RBFOX1: variants seen among roughly 807,000 people sequenced by gnomAD.
RBFOX1 encodes the protein RNA binding protein fox-1 homolog 1.
A neutral mutation model predicts 57.7 loss-of-function variants in RBFOX1; 8 were observed. The observed-to-expected ratio is 0.14, with a 90% CI of 0.08 to 0.25. The LOEUF (loss-of-function observed/expected upper bound fraction) is 0.25. RBFOX1 is among the 10% of genes least tolerant of loss of function. The pLI is 1.00. For synonymous variants in RBFOX1, 326 were observed against 222.4 expected (o/e 1.47, Z -4.15); for missense variants, 611 against 548.5 (o/e 1.11, Z -1.14).
chr16:7,636,433 T>C (rs1340396971), intron 11 of RBFOX1, among the ~76,000 whole-genome samples: 1 of 152,254 alleles, frequency 6.6e-6, no homozygotes, highest in African/African-American at 2.4e-5. Context: ...TTATTATCAG[T>C]TCACACGTGA....
chr16:7,592,222 A>G (rs1206036931), intron 7 of RBFOX1, among the ~76,000 whole-genome samples: 1 of 152,154 alleles, frequency 6.6e-6, no homozygotes, highest in African/African-American at 2.4e-5. Context: ...CAGAAAAACA[A>G]TGAGAATAAT....
chr16:7,646,440 C>T (rs2063754612), intron 11 of RBFOX1, among the ~76,000 whole-genome samples: 1 of 152,210 alleles, frequency 6.6e-6, no homozygotes, highest in Admixed American at 6.5e-5. Context: ...CCATAAATTA[C>T]CCACAGAACA....
Position 5,960,950 on chromosome 16 carries a change from C to T in RBFOX1, c.351+93615C>T, listed in dbSNP as rs150488895. On this transcript the variant is annotated intron_variant, in intron 4 of 19. Coordinates refer to the RBFOX1 transcript ENST00000641259. Reference sequence around the variant, plus strand: ...CCGCAATTGTGGTCAAAGGCTCCCTCCCAAGATGGCCAGAAGACAGCAGGG... The same window carrying T: ...CCGCAATTGTGGTCAAAGGCTCCCTTCCAAGATGGCCAGAAGACAGCAGGG... Among the ~76,000 whole-genome samples the T allele has an allele frequency of 4.6e-5, 7 of 152,256 alleles. No individual in the cohort carries two copies. In the East Asian group the frequency reaches 1.2e-3, roughly 25 times the overall value.
chr16:6,236,794 C>T (rs906124550), intron 1 of RBFOX1, among the ~76,000 whole-genome samples: 1 of 151,916 alleles, frequency 6.6e-6, no homozygotes, highest in Non-Finnish European at 1.5e-5. Flanking sequence ...TGTGTTATGT[C>T]CACACGTTTT....
chr16:5,444,531 G>T (rs1295882958), intron 1 of RBFOX1, among the ~76,000 whole-genome samples: 2 of 152,138 alleles, frequency 1.3e-5, no homozygotes, highest in Admixed American at 1.3e-4. Flanking sequence ...CATTAATGAA[G>T]ATTGCGCCAC....
intron 1 of RBFOX1, among the ~76,000 whole-genome samples, chr16:5,394,587 G>A (rs1280562859): frequency 3.3e-4 from 46 of 139,414 alleles, no homozygotes; most frequent in Non-Finnish European, 5.5e-4. Context: ...TTTTTGACAG[G>A]ATCTTGCTCT....
At chr16:7,376,736 G>A (rs2097692427) in intron 4 of RBFOX1, among the ~76,000 whole-genome samples, 1 of 152,134 alleles carries the variant, frequency 6.6e-6, no homozygotes, top group Admixed American at 6.5e-5. Context: ...CCAGGTTTTA[G>A]ACTCTTAAAT....
intron 1 of RBFOX1, among the ~76,000 whole-genome samples, chr16:5,294,860 A>T (rs1785298409): frequency 6.6e-6 from 1 of 150,948 alleles, no homozygotes; most frequent in Non-Finnish European, 1.5e-5. Flanking sequence ...AGAAAACCCC[A>T]TCTCTACCAA....
chr16:7,532,688 C>G (rs1028352052), intron 5 of RBFOX1, among the ~76,000 whole-genome samples: 1 of 152,214 alleles, frequency 6.6e-6, no homozygotes, highest in African/African-American at 2.4e-5. Context: ...AGCTCGTGGG[C>G]CGATTCCTGC....
At chr16:6,417,266 G>T (rs1006527426) in intron 2 of RBFOX1, among the ~76,000 whole-genome samples, 1 of 151,636 alleles carries the variant, frequency 6.6e-6, no homozygotes, top group Non-Finnish European at 1.5e-5. Context: ...CACCTTGGCT[G>T]TGGAAAGTGC....
chr16:5,641,143 A>G (rs369040339), intron 3 of RBFOX1, among the ~76,000 whole-genome samples: 9 of 151,646 alleles, frequency 5.9e-5, no homozygotes, highest in African/African-American at 2.2e-4. Context: ...CACACCATGA[A>G]TACACACACA....
At chr16:6,991,450 A>G (rs1194360494) in intron 3 of RBFOX1, among the ~76,000 whole-genome samples, 1 of 152,196 alleles carries the variant, frequency 6.6e-6, no homozygotes, top group African/African-American at 2.4e-5. Context: ...TGACACAATG[A>G]TTAGCACAAA....
chr16:7,700,522 C>T lies in RBFOX1; in HGVS notation c.996-8534C>T, dbSNP rs565064231. On this transcript the variant is annotated intron_variant, in intron 14 of 15. Transcript: ENST00000550418. The stretch of plus-strand genomic sequence containing the variant: ...TCATAAGGGATACAATTTGTTTTTC[C>T]TCCTATGGGGTAAAGTATAGCTGGG... 1.2e-4 allele frequency among the ~76,000 whole-genome samples: 18 copies of T among 152,240 alleles called. No homozygotes were observed. In the East Asian group the frequency reaches 3.5e-3, roughly 29 times the overall value.
At chr16:6,457,103 G>C (rs1277739887) in intron 2 of RBFOX1, among the ~76,000 whole-genome samples, 1 of 152,034 alleles carries the variant, frequency 6.6e-6, no homozygotes, top group Non-Finnish European at 1.5e-5. Context: ...GAGTCCTCTA[G>C]GTAGAGTTTA....
intron 4 of RBFOX1, among the ~76,000 whole-genome samples, chr16:7,469,427 C>T (rs184777808): frequency 2.6e-5 from 4 of 152,236 alleles, no homozygotes; most frequent in African/African-American, 9.6e-5. Context: ...CAGACCTTTG[C>T]CTATGAGGTT....
At chr16:6,168,835 C>T (rs1002368497) in intron 1 of RBFOX1, among the ~76,000 whole-genome samples, 7 of 149,918 alleles carry the variant, frequency 4.7e-5, no homozygotes, top group Non-Finnish European at 8.9e-5. Context: ...TTTTTTTAAA[C>T]ACTCTCCCAG....
intron 5 of RBFOX1, among the ~76,000 whole-genome samples, chr16:7,541,181 T>C (rs1793874456): frequency 6.6e-6 from 1 of 152,334 alleles, no homozygotes; most frequent in East Asian, 1.9e-4. Flanking sequence ...AGAATACATA[T>C]TTAAGGACAA....
intron 4 of RBFOX1, among the ~76,000 whole-genome samples, chr16:7,359,668 G>A (rs1158911093): frequency 1.3e-5 from 2 of 152,126 alleles, no homozygotes; most frequent in East Asian, 3.9e-4. Context: ...GCAATGTCAA[G>A]GATGTTTTGT....
At chr16:7,649,518 G>A (rs745853239) in intron 11 of RBFOX1, among the ~76,000 whole-genome samples, 2 of 151,904 alleles carry the variant, frequency 1.3e-5, no homozygotes, top group Non-Finnish European at 2.9e-5. Flanking sequence ...CGATGGAGTC[G>A]CTGTGGTTCG....
Sources: allele counts gnomAD v4.1 joint callset (sites outside exome capture counted in the v4.1 genomes callset), GRCh38; gene constraint gnomAD v4.1.1; transcripts MANE v1.5; gene names NCBI Gene and HGNC (gene_info 2026-07-23, HGNC 2026-07-21).